TBPL1: variants seen among roughly 807,000 people sequenced by gnomAD.
The protein encoded by TBPL1 is TATA box-binding protein-like 1.
A neutral mutation model predicts 22.1 loss-of-function variants in TBPL1; 4 were observed. The observed-to-expected ratio is 0.18, with a 90% CI of 0.09 to 0.41. TBPL1 has a LOEUF of 0.41. TBPL1 is among the 10% of genes least tolerant of loss of function. TBPL1 has a pLI of 1.00. For missense variants in TBPL1, 115 were observed against 222.3 expected (o/e 0.52, Z 3.07); for synonymous variants, 64 against 71.0 (o/e 0.90, Z 0.50).
chr6:133,985,700 G>GT (rs937965905), intron 6 of TBPL1, among the ~76,000 whole-genome samples: 1 of 152,044 alleles, frequency 6.6e-6, no homozygotes, highest in Non-Finnish European at 1.5e-5. Flanking sequence ...CTTGAGCTTT[G>GT]TTTTTTCTTT....
intron 1 of TBPL1, among the ~76,000 whole-genome samples, chr6:133,956,658 C>A (rs1338642578): frequency 6.6e-6 from 1 of 152,170 alleles, no homozygotes; most frequent in Non-Finnish European, 1.5e-5. Context: ...ACTTCAAGAG[C>A]TTAGCTAGTG....
rs562698952 is a variant in TBPL1, at chr6:133,989,204, T to C, written c.*2164T>C. 5 of 152,172 alleles carry C rather than the reference T, an allele frequency of 3.3e-5. No homozygotes were observed. In the South Asian group the frequency reaches 6.2e-4, roughly 19 times the overall value. 9.4% of individuals were successfully genotyped at this position (152,172 alleles called of 1,614,324 possible). On this transcript the variant is annotated 3_prime_UTR_variant, in exon 7 of 7. Transcript: ENST00000237264. ...AAGTACTGTAAATTTTTTTTATAAATAAAAACTGTGAATATATATGTACAA... is the reference window on the plus strand; with the variant it reads ...AAGTACTGTAAATTTTTTTTATAAACAAAAACTGTGAATATATATGTACAA...
At chr6:133,978,708 T>C (rs1340673339) in intron 1 of TBPL1, among the ~76,000 whole-genome samples, 1 of 152,202 alleles carries the variant, frequency 6.6e-6, no homozygotes, top group Non-Finnish European at 1.5e-5. Context: ...TTGAATGCCA[T>C]ATGGTCTTAT....
chr6:133,981,752 TAGTC>T (rs576862181), intron 2 of TBPL1, among the ~76,000 whole-genome samples: 16 of 152,382 alleles, frequency 1.0e-4, no homozygotes, highest in Non-Finnish European at 1.8e-4. Flanking sequence ...TCATTTATGT[TAGTC>T]AGTGAGCATT....
chr6:133,982,090 G>C (rs771887494), intron 2 of TBPL1, among the ~76,000 whole-genome samples: 5 of 152,180 alleles, frequency 3.3e-5, no homozygotes, highest in Non-Finnish European at 7.4e-5. Context: ...TGAAGGGATG[G>C]GTGTTTCAGG....
chr6:133,971,135 C>T (rs953320627), intron 1 of TBPL1, among the ~76,000 whole-genome samples: 2 of 151,674 alleles, frequency 1.3e-5, no homozygotes, highest in African/African-American at 2.4e-5. Context: ...CTTTCTGCTT[C>T]GATGATAACA....
At chr6:133,964,020 G>A (rs540095734) in intron 1 of TBPL1, among the ~76,000 whole-genome samples, 93 of 152,186 alleles carry the variant, frequency 6.1e-4, no homozygotes, top group African/African-American at 2.1e-3. Flanking sequence ...CAGCCTGGGC[G>A]ACAGAGCAAG....
At chr6:133,964,282 C>G (rs1776079403) in intron 1 of TBPL1, among the ~76,000 whole-genome samples, 3 of 152,128 alleles carry the variant, frequency 2.0e-5, no homozygotes, top group African/African-American at 7.2e-5. Context: ...ACCAGTTACT[C>G]AGATCTGACA....
At chr6:133,979,206 TC>T (rs1243294071) in intron 1 of TBPL1, among the ~76,000 whole-genome samples, 1 of 152,194 alleles carries the variant, frequency 6.6e-6, no homozygotes, top group Non-Finnish European at 1.5e-5. Flanking sequence ...TTTTTTTCCC[TC>T]CATTATCTTC....
At position 133,989,083 on chromosome 6, in the gene TBPL1, G is replaced by A. The variant is rs1021859127; in HGVS notation, c.*2043G>A. 18 of 152,156 alleles carry A rather than the reference G, an allele frequency of 1.2e-4. No homozygotes were observed. Among genetic ancestry groups the A allele is most frequent in the African/African-American group, 3.4e-4 (14 of 41,432 alleles). 9.4% of individuals were successfully genotyped at this position (152,156 alleles called of 1,614,324 possible). A position where few individuals can be genotyped will look rare whatever the true frequency, so the allele number is the denominator to read the frequency against. On this transcript the variant is annotated 3_prime_UTR_variant, in exon 7 of 7. Coordinates refer to ENST00000237264, the MANE Select transcript of TBPL1 (RefSeq NM_004865.4). ...GACCAGGTTTGTTTTCAGGGCTGCCGAATGAGCCTCACCTAACAGTGTCCA... is the reference window on the plus strand; with the variant it reads ...GACCAGGTTTGTTTTCAGGGCTGCCAAATGAGCCTCACCTAACAGTGTCCA...
chr6:133,962,615 T>C (rs964292948), intron 1 of TBPL1, among the ~76,000 whole-genome samples: 2 of 152,214 alleles, frequency 1.3e-5, no homozygotes, highest in African/African-American at 4.8e-5. Context: ...AATAGATGAT[T>C]GGGAATATGG....
chr6:133,970,550 G>A (rs1776200987), intron 1 of TBPL1, among the ~76,000 whole-genome samples: 1 of 151,872 alleles, frequency 6.6e-6, no homozygotes, highest in Admixed American at 6.6e-5. Flanking sequence ...GCAGAAATGT[G>A]GAGAGAGTAG....
Position 133,978,539 on chromosome 6 carries a change from A to G in TBPL1, c.-44-1543A>G, listed in dbSNP as rs570392009. Among the ~76,000 whole-genome samples, 10 of 152,298 alleles carry G rather than the reference A, an allele frequency of 6.6e-5. No individual in the cohort carries two copies. In the East Asian group the frequency reaches 1.3e-3, roughly 21 times the overall value. ...CTTATATATCTATCCATCAGTTCCT[A>G]TTGTCACCCCTGCCTCACTCCTCAT... On this transcript the variant is annotated intron_variant, in intron 1 of 6. Coordinates refer to ENST00000237264, the MANE Select transcript of TBPL1 (RefSeq NM_004865.4).
Position 133,987,103 on chromosome 6 carries a change from T to G in TBPL1, c.*63T>G. On this transcript the variant is annotated 3_prime_UTR_variant, in exon 7 of 7. Transcript: ENST00000237264. ...CTTTTAAACCTGCTGCACATTGGACTCAAAAGGAAAACTGGACCAACAATA... is the reference window on the plus strand; with the variant it reads ...CTTTTAAACCTGCTGCACATTGGACGCAAAAGGAAAACTGGACCAACAATA... 8.6e-7 allele frequency: 1 copy of G among 1,165,864 alleles called. No individual in the cohort carries two copies. 72.2% of individuals were successfully genotyped at this position (1,165,864 alleles called of 1,614,324 possible). A position where few individuals can be genotyped will look rare whatever the true frequency, so the allele number is the denominator to read the frequency against.
At chr6:133,971,746 C>T (rs1467672061) in intron 1 of TBPL1, among the ~76,000 whole-genome samples, 2 of 152,020 alleles carry the variant, frequency 1.3e-5, no homozygotes, top group South Asian at 4.2e-4. Context: ...TGAGAAGTGT[C>T]TGTTAAGGTG....
intron 1 of TBPL1, among the ~76,000 whole-genome samples, chr6:133,973,239 G>A (rs1045344293): frequency 8.5e-5 from 13 of 152,206 alleles, no homozygotes; most frequent in Non-Finnish European, 1.3e-4. Context: ...AGGAGACCAT[G>A]TGGGTTCCTA....
chr6:133,962,091 AAC>A (rs1307726853), intron 1 of TBPL1, among the ~76,000 whole-genome samples: 7 of 152,156 alleles, frequency 4.6e-5, no homozygotes, highest in Non-Finnish European at 8.8e-5. Context: ...AAAACCGCGA[AAC>A]AGTCTGTTAT....
chr6:133,972,764 A>G (rs756342026), intron 1 of TBPL1, among the ~76,000 whole-genome samples: 5 of 152,190 alleles, frequency 3.3e-5, no homozygotes, highest in Non-Finnish European at 5.9e-5. Context: ...AAATAATACA[A>G]TTAATATTCA....
intron 1 of TBPL1, among the ~76,000 whole-genome samples, chr6:133,979,072 G>A (rs549620367): frequency 4.6e-5 from 7 of 152,112 alleles, no homozygotes; most frequent in East Asian, 1.9e-4. Flanking sequence ...TAGGAGTCTC[G>A]GCAAATACAT....
Sources: gnomAD v4.1 joint callset for allele counts (sites outside exome capture counted in the v4.1 genomes callset) on GRCh38, gnomAD v4.1.1 for gene constraint, MANE v1.5 for transcripts, NCBI Gene and HGNC (gene_info 2026-07-23, HGNC 2026-07-21) for gene names.